The following COL4A3 variants were observed in gnomAD, a reference collection of about 807,000 sequenced individuals.
The protein encoded by COL4A3 is collagen type IV alpha 3 chain.
Under a neutral mutation model 217.4 loss-of-function variants are expected in COL4A3, and 135 were observed. The observed-to-expected ratio is 0.62, with a 90% CI of 0.54 to 0.72. The LOEUF (loss-of-function observed/expected upper bound fraction) is 0.72. Among genes scored for constraint, COL4A3 ranks in the 30% least tolerant of loss-of-function variants. The pLI, the probability that COL4A3 is intolerant of heterozygous loss-of-function variation, is 0.00. For synonymous variants in COL4A3, 690 were observed against 736.3 expected (o/e 0.94, Z 1.02); for missense variants, 1,868 against 2,119.9 (o/e 0.88, Z 2.33).
At chr2:227,225,717 T>A (rs1263019342) in intron 1 of COL4A3, among the ~76,000 whole-genome samples, 1 of 150,470 alleles carries the variant, frequency 6.6e-6, no homozygotes, top group Non-Finnish European at 1.5e-5. Context: ...TTCTTTTTTT[T>A]TTTTTTTTTT....
rs149377112 is a variant in COL4A3 at position 227,199,428 on chromosome 2, A to T, written c.87+34615A>T. On this transcript the variant is annotated intron_variant, in intron 1 of 51. Transcript: ENST00000396578. ...GTATTTTAGAGATTTAAATATAACC[A>T]GGTAATCAATGCCCTGTTGTAGTTC... is the stretch of plus-strand genomic sequence containing the variant. Among the ~76,000 whole-genome samples the T allele has an allele frequency of 5.9e-5, 9 of 152,330 alleles. No homozygotes were observed. The East Asian group carries it at 1.5e-3, about 26-fold the overall frequency.
chr2:227,240,338 G>A (rs753724339), intron 3 of COL4A3, 106 bp downstream of exon 3: 10 of 1,071,542 alleles, frequency 9.3e-6, no homozygotes, highest in Non-Finnish European at 1.4e-5. Flanking sequence ...TTAGCCAACT[G>A]CTAGGTGCAT....
intron 1 of COL4A3, among the ~76,000 whole-genome samples, chr2:227,174,019 C>A (rs1040035778): frequency 6.6e-6 from 1 of 152,076 alleles, no homozygotes; most frequent in African/African-American, 2.4e-5. Context: ...TGGTTATTTA[C>A]CATAAGAAAT....
chr2:227,311,917 A>C lies in COL4A3; in HGVS notation c.*47A>C, dbSNP rs2073757097. On this transcript the variant is annotated 3_prime_UTR_variant, in exon 52 of 52. Transcript: ENST00000396578. ...TGCTATTTTTCATCCTAAAGAACAA[A>C]GTAATGACAGAACATGCTGTTATTT... is the stretch of plus-strand genomic sequence containing the variant. 5 of 1,610,770 alleles carry C rather than the reference A, an allele frequency of 3.1e-6. No individual in the cohort carries two copies. The South Asian group carries it at 5.5e-5, about 18-fold the overall frequency.
At chr2:227,261,292 C>T (rs894975701) in intron 20 of COL4A3, among the ~76,000 whole-genome samples, 175 bp downstream of exon 20, 20 of 152,122 alleles carry the variant, frequency 1.3e-4, no homozygotes, top group African/African-American at 3.9e-4. Context: ...TGGGAGACCA[C>T]GGCAGGTGGA....
chr2:227,287,324 G>T (rs1223928355), intron 34 of COL4A3, among the ~76,000 whole-genome samples: 2 of 152,058 alleles, frequency 1.3e-5, no homozygotes, highest in Non-Finnish European at 2.9e-5. Flanking sequence ...CCAGCTACTT[G>T]GGAGGCTGAG....
rs2068779626 is a variant in COL4A3, at chr2:227,237,749, T to A, written c.88-219T>A. On this transcript the variant is annotated intron_variant, in intron 1 of 51. Transcript: ENST00000396578. ...GTACAATACAAATGATGTATTCTTA[T>A]CCGACATTTCTCCCTTATGCAACAT... 8.7e-6 allele frequency: 4 copies of A among 460,524 alleles called. No homozygotes were observed. The East Asian group carries it at 1.8e-4, about 20-fold the overall frequency. 28.5% of individuals were successfully genotyped at this position (460,524 alleles called of 1,614,324 possible).
intron 41 of COL4A3, among the ~76,000 whole-genome samples, chr2:227,296,831 C>A (rs1262543682): frequency 6.6e-6 from 1 of 152,156 alleles, no homozygotes; most frequent in Non-Finnish European, 1.5e-5. Flanking sequence ...ACTCCCCAAG[C>A]CCTCCCCTGA....
chr2:227,256,096 G>A (rs2070150755), intron 16 of COL4A3, 26 bp downstream of exon 16: 1 of 1,608,958 alleles, frequency 6.2e-7, no homozygotes, highest in African/African-American at 1.3e-5. Flanking sequence ...GGCCTATGGA[G>A]GTAGTAAAAA....
At chr2:227,263,625 A>C (rs2070724179) in intron 20 of COL4A3, 155 bp from the exon 21 acceptor site, 2 of 755,896 alleles carry the variant, frequency 2.6e-6, no homozygotes, top group Non-Finnish European at 4.3e-6. Flanking sequence ...CAGATGAAAA[A>C]AGCAAGGATA....
chr2:227,177,797 C>T (rs2065733259), intron 1 of COL4A3, among the ~76,000 whole-genome samples: 1 of 152,162 alleles, frequency 6.6e-6, no homozygotes, highest in African/African-American at 2.4e-5. Flanking sequence ...ACTGTCTATG[C>T]TCCCTGCCCA....
chr2:227,279,593 A>G, intron 28 of COL4A3, 200 bp from the exon 29 acceptor site: 1 of 566,164 alleles, frequency 1.8e-6, no homozygotes, highest in Admixed American at 3.3e-5. Flanking sequence ...ACAACAAAAT[A>G]GAGAAAGTTA....
chr2:227,238,116 G>A, intron 2 of COL4A3, 92 bp downstream of exon 2: 1 of 818,884 alleles, frequency 1.2e-6, no homozygotes, highest in Non-Finnish European at 2.1e-6. Context: ...AGAAAGATCC[G>A]CAGTATGTTG....
chr2:227,287,176 G>A (rs1312800452), intron 34 of COL4A3, among the ~76,000 whole-genome samples: 1 of 152,214 alleles, frequency 6.6e-6, no homozygotes, highest in Non-Finnish European at 1.5e-5. Context: ...GCTCACGCCT[G>A]TAATCCCAGC....
At chr2:227,208,765 TACACACACACACACAC>T (rs60244094) in intron 1 of COL4A3, among the ~76,000 whole-genome samples, 4 of 138,490 alleles carry the variant, frequency 2.9e-5, no homozygotes, top group East Asian at 2.1e-4. Context: ...GGCGGTTGGT[TACACACACACACACAC>T]ACACACACAC....
chr2:227,231,685 T>C lies in COL4A3; in HGVS notation c.88-6283T>C, dbSNP rs1398572608. 2.6e-5 allele frequency among the ~76,000 whole-genome samples: 4 copies of C among 152,158 alleles called. No individual in the cohort carries two copies. The East Asian group carries it at 7.7e-4, about 29-fold the overall frequency. On this transcript the variant is annotated intron_variant, in intron 1 of 51. Transcript: ENST00000396578. ...ACAGGTGTGCACCACCATGTCCAGC[T>C]AAATTTTGTTTTTGTTTTCATTTCT...
chr2:227,178,339 C>T (rs1199898767), intron 1 of COL4A3, among the ~76,000 whole-genome samples: 2 of 151,972 alleles, frequency 1.3e-5, no homozygotes, highest in Non-Finnish European at 1.5e-5. Context: ...GCTGACAGCA[C>T]ACCACTTCAC....
chr2:227,191,056 A>G lies in COL4A3; in HGVS notation c.87+26243A>G, dbSNP rs1339721415. On this transcript the variant is annotated intron_variant, in intron 1 of 51. Transcript: ENST00000396578. The surrounding 1 kb of genome is among the most constrained non-coding windows in gnomAD (Gnocchi z 6.8). Reference sequence around the variant, plus strand: ...TTAAAAAATAGATGCAAAGGTTATTATATATGAAATTTTATGTCTTTTTTC... The same window carrying G: ...TTAAAAAATAGATGCAAAGGTTATTGTATATGAAATTTTATGTCTTTTTTC... Among the ~76,000 whole-genome samples the G allele has an allele frequency of 6.6e-6, 1 of 152,192 alleles. No homozygotes were observed. Among genetic ancestry groups the G allele is most frequent in the African/African-American group, 2.4e-5 (1 of 41,450 alleles).
Position 227,248,486 on chromosome 2 carries a change from G to C in COL4A3, c.512G>C (p.Gly171Ala), listed in dbSNP as rs1310205680. ...GAAGATATAGAACTTGATGCAAAAG[G>C]CGACCCCGGGTTGCCAGGGGCTCCA... ...KEEDIELDAKGDPGLPGAPGP... is the reference protein window; with the variant it reads ...KEEDIELDAKADPGLPGAPGP... The change falls in exon 9 of 52, where the codon GGC (glycine) becomes GCC (alanine). Residue 171 changes from glycine (G) to alanine (A), a missense_variant. Coordinates refer to ENST00000396578, the MANE Select transcript of COL4A3 (RefSeq NM_000091.5). The C allele has an allele frequency of 6.2e-7, 1 of 1,613,216 alleles. No individual in the cohort carries two copies.
Sources: allele counts gnomAD v4.1 joint callset (sites outside exome capture counted in the v4.1 genomes callset), GRCh38; gene constraint gnomAD v4.1.1; non-coding constraint Gnocchi (gnomAD v3.1); transcripts MANE v1.5; gene names NCBI Gene and HGNC (gene_info 2026-07-23, HGNC 2026-07-21).